The following RBFOX1 variants were observed in gnomAD, a reference collection of about 807,000 sequenced individuals.
RBFOX1 encodes the protein RNA binding protein fox-1 homolog 1.
A neutral mutation model predicts 57.7 loss-of-function variants in RBFOX1; 8 were observed. That is an observed-to-expected ratio of 0.14 (90% CI 0.08 to 0.25). RBFOX1 has a LOEUF of 0.25. Among genes scored for constraint, RBFOX1 ranks in the 10% least tolerant of loss-of-function variants. The pLI is 1.00. For synonymous variants in RBFOX1, 326 were observed against 222.4 expected (o/e 1.47, Z -4.15); for missense variants, 611 against 548.5 (o/e 1.11, Z -1.14).
At chr16:7,093,677 G>A (rs1360321874) in intron 4 of RBFOX1, among the ~76,000 whole-genome samples, 2 of 152,064 alleles carry the variant, frequency 1.3e-5, no homozygotes, top group African/African-American at 4.8e-5. Context: ...ACCATTCATG[G>A]CCTCCCCACT....
chr16:5,991,651 T>G (rs879251734), intron 4 of RBFOX1, among the ~76,000 whole-genome samples: 1 of 148,970 alleles, frequency 6.7e-6, no homozygotes, highest in Non-Finnish European at 1.5e-5. Context: ...GATAGTTTTT[T>G]TTTTTTTTTT....
rs569207230 is a variant in RBFOX1 at position 6,277,637 on chromosome 16, G to C, written c.-126-39358G>C. Among the ~76,000 whole-genome samples the C allele has an allele frequency of 5.6e-5, 8 of 142,512 alleles. 1 individual carries two copies. The South Asian group carries it at 1.4e-3, about 25-fold the overall frequency. The allele number at this position is 142,512 out of a possible 152,430, so 93.5% of individuals were successfully genotyped here. On this transcript the variant is annotated intron_variant, in intron 1 of 15. Coordinates refer to ENST00000550418, the MANE Select transcript of RBFOX1 (RefSeq NM_018723.4). ...GCCGTGATTGCACCACGGCAACCCAGCCTGGGCTACAGAGAAAGACCTTGT... is the reference window on the plus strand; with the variant it reads ...GCCGTGATTGCACCACGGCAACCCACCCTGGGCTACAGAGAAAGACCTTGT...
Position 7,065,724 on chromosome 16 carries a change from G to A in RBFOX1, c.27+13626G>A, listed in dbSNP as rs112395195. 1.8e-4 allele frequency among the ~76,000 whole-genome samples: 28 copies of A among 152,142 alleles called. No individual in the cohort carries two copies. The Middle Eastern group carries it at 0.021, about 112-fold the overall frequency. ...TAATACGCTGTGATTACCTGTAGCC[G>A]CCATGTTGCACAGTAGATCTGATGA... On this transcript the variant is annotated intron_variant, in intron 4 of 15. Coordinates refer to ENST00000550418, the MANE Select transcript of RBFOX1 (RefSeq NM_018723.4).
intron 2 of RBFOX1, among the ~76,000 whole-genome samples, chr16:5,480,266 G>C (rs968034581): frequency 6.6e-6 from 1 of 151,982 alleles, no homozygotes; most frequent in Non-Finnish European, 1.5e-5. Context: ...GCCATTGGGG[G>C]ATTTTCTCCT....
At chr16:7,494,894 T>C (rs66696833) in intron 4 of RBFOX1, among the ~76,000 whole-genome samples, 21,759 of 148,840 alleles carry the variant, frequency 0.15, 2,605 homozygotes, top group East Asian at 0.52. Flanking sequence ...AGGAGGTACA[T>C]GTGTAGGATT....
intron 2 of RBFOX1, among the ~76,000 whole-genome samples, chr16:5,578,436 A>G (rs977004974): frequency 2.6e-5 from 4 of 152,210 alleles, no homozygotes; most frequent in Non-Finnish European, 5.9e-5. Context: ...CTGAATCCCA[A>G]GAAGGACCTT....
At chr16:5,242,478 C>A (rs1048921880) in intron 1 of RBFOX1, among the ~76,000 whole-genome samples, 2 of 152,194 alleles carry the variant, frequency 1.3e-5, no homozygotes, top group African/African-American at 4.8e-5. Flanking sequence ...ATTCCTCTTC[C>A]TTTTTAGTTT....
intron 3 of RBFOX1, among the ~76,000 whole-genome samples, chr16:5,855,848 G>C (rs1006527315): frequency 6.6e-6 from 1 of 151,634 alleles, no homozygotes; most frequent in Non-Finnish European, 1.5e-5. Context: ...AATCCTATCC[G>C]TGAATATCGG....
intron 4 of RBFOX1, among the ~76,000 whole-genome samples, chr16:7,439,315 A>T (rs1321706258): frequency 1.3e-5 from 2 of 151,696 alleles, no homozygotes; most frequent in African/African-American, 4.8e-5. Context: ...CCCTCTTTTC[A>T]TGGAACGTCA....
intron 4 of RBFOX1, among the ~76,000 whole-genome samples, chr16:7,157,408 C>G (rs2077381297): frequency 6.6e-6 from 1 of 151,930 alleles, no homozygotes; most frequent in Non-Finnish European, 1.5e-5. Flanking sequence ...GTAAAATGCA[C>G]TTAGGATCTA....
intron 2 of RBFOX1, among the ~76,000 whole-genome samples, chr16:6,560,776 C>T (rs966243814): frequency 1.3e-5 from 2 of 152,204 alleles, no homozygotes; most frequent in East Asian, 1.9e-4. Flanking sequence ...CTGTCTCTCT[C>T]ATAGACTGTA....
At chr16:6,871,273 C>G (rs1031193082) in intron 3 of RBFOX1, among the ~76,000 whole-genome samples, 1 of 152,152 alleles carries the variant, frequency 6.6e-6, no homozygotes, top group African/African-American at 2.4e-5. Flanking sequence ...CTAACCTCCC[C>G]CTCCTGGGTT....
chr16:6,529,155 A>G (rs1169340401), intron 2 of RBFOX1, among the ~76,000 whole-genome samples: 2 of 152,170 alleles, frequency 1.3e-5, no homozygotes. Context: ...TACCCAATCT[A>G]TATAACTTGA....
intron 2 of RBFOX1, among the ~76,000 whole-genome samples, chr16:5,596,047 A>G (rs1161044063): frequency 1.3e-5 from 2 of 152,246 alleles, no homozygotes; most frequent in South Asian, 2.1e-4. Flanking sequence ...TGAGAGATAG[A>G]CAGCTAAAGA....
At chr16:7,344,849 T>A (rs1386075075) in intron 4 of RBFOX1, among the ~76,000 whole-genome samples, 1 of 152,178 alleles carries the variant, frequency 6.6e-6, no homozygotes, top group Admixed American at 6.5e-5. Context: ...CCATCCTCCA[T>A]GGGGAAATGG....
At chr16:5,571,724 C>G (rs1241194452) in intron 2 of RBFOX1, among the ~76,000 whole-genome samples, 1 of 152,198 alleles carries the variant, frequency 6.6e-6, no homozygotes, top group East Asian at 1.9e-4. Flanking sequence ...CAACCACCTC[C>G]TCCTCGCTAT....
intron 4 of RBFOX1, among the ~76,000 whole-genome samples, chr16:7,187,168 C>A (rs1207062267): frequency 6.6e-6 from 1 of 151,342 alleles, no homozygotes; most frequent in African/African-American, 2.4e-5. Context: ...TACTCTGTCT[C>A]AAAAAATAAA....
chr16:7,519,765 T>C, intron 5 of RBFOX1: 7 of 959,858 alleles, frequency 7.3e-6, no homozygotes, highest in Non-Finnish European at 8.7e-6. Context: ...AAGCAAGTAT[T>C]TGTGAAGGAG....
At chr16:6,373,592 G>T (rs1346545069) in intron 2 of RBFOX1, among the ~76,000 whole-genome samples, 1 of 151,910 alleles carries the variant, frequency 6.6e-6, no homozygotes, top group Admixed American at 6.6e-5. Flanking sequence ...TGGAAGTATA[G>T]TCGGATGAGA....
Sources: gnomAD v4.1 joint callset for allele counts (sites outside exome capture counted in the v4.1 genomes callset) on GRCh38, gnomAD v4.1.1 for gene constraint, MANE v1.5 for transcripts, NCBI Gene and HGNC (gene_info 2026-07-23, HGNC 2026-07-21) for gene names.